SGIP1: variants seen among roughly 807,000 people sequenced by gnomAD.
The protein encoded by SGIP1 is SH3GL interacting endocytic adaptor 1, also known as SH3-containing GRB2-like protein 3-interacting protein 1.
SGIP1 carries 38 observed loss-of-function variants against 107.5 expected under a neutral mutation model. The observed-to-expected ratio is 0.35, with a 90% CI of 0.27 to 0.46. SGIP1 has a LOEUF of 0.46. SGIP1 is among the 20% of genes least tolerant of loss of function. SGIP1 has a pLI of 1.00. For synonymous variants in SGIP1, 365 were observed against 366.1 expected (o/e 1.00, Z 0.03); for missense variants, 929 against 1,019.5 (o/e 0.91, Z 1.21).
At chr1:66,676,658 T>C (rs2085419289) in intron 12 of SGIP1, among the ~76,000 whole-genome samples, 1 of 152,204 alleles carries the variant, frequency 6.6e-6, no homozygotes, top group African/African-American at 2.4e-5. Flanking sequence ...ATGGGGTTAA[T>C]GTCTGGATTT....
chr1:66,671,714 C>T lies in SGIP1; in HGVS notation c.509-230C>T, dbSNP rs1027174673. Among the ~76,000 whole-genome samples, 37 of 152,262 alleles carry T rather than the reference C, an allele frequency of 2.4e-4. 1 individual carries two copies. The highest frequency in any genetic ancestry group is 2.4e-5 in the African/African-American group (1 of 41,558). The stretch of plus-strand genomic sequence containing the variant: ...AAATCTTCTATTTGATGGCTTGTCA[C>T]GGAAGTTCCTTAGTTAATGAGGTTT... On this transcript the variant is annotated intron_variant, in intron 10 of 24. Coordinates refer to ENST00000371037, the MANE Select transcript of SGIP1 (RefSeq NM_032291.4).
chr1:66,710,808 A>G (rs993912680), intron 18 of SGIP1, among the ~76,000 whole-genome samples: 2 of 152,298 alleles, frequency 1.3e-5, no homozygotes, highest in Admixed American at 6.5e-5. Context: ...TTAGAATTTA[A>G]CAGAAATTAA....
At chr1:66,575,836 T>A (rs999502269) in intron 1 of SGIP1, among the ~76,000 whole-genome samples, 3 of 152,192 alleles carry the variant, frequency 2.0e-5, no homozygotes, top group African/African-American at 7.2e-5. Context: ...AGAAACCACC[T>A]GTCATTTGAG....
chr1:66,544,742 AC>A (rs2055941178), intron 1 of SGIP1, among the ~76,000 whole-genome samples: 1 of 152,110 alleles, frequency 6.6e-6, no homozygotes, highest in Admixed American at 6.6e-5. Flanking sequence ...CTACCTGTGC[AC>A]CCACCTTTAC....
chr1:66,721,431 T>G (rs2093526271), intron 19 of SGIP1, among the ~76,000 whole-genome samples: 1 of 152,114 alleles, frequency 6.6e-6, no homozygotes, highest in Non-Finnish European at 1.5e-5. Context: ...TTTTTTGAGA[T>G]GGGGTCTCAC....
intron 13 of SGIP1, among the ~76,000 whole-genome samples, chr1:66,677,368 G>T (rs2085625631): frequency 6.6e-6 from 1 of 152,162 alleles, no homozygotes; most frequent in Non-Finnish European, 1.5e-5. Context: ...TTTATTCATT[G>T]TACGTAAGTA....
intron 1 of SGIP1, among the ~76,000 whole-genome samples, chr1:66,570,059 T>C (rs1200031695): frequency 1.3e-5 from 2 of 151,876 alleles, no homozygotes; most frequent in Non-Finnish European, 2.9e-5. Context: ...ATAGAATCTG[T>C]AGTAATGTCC....
intron 19 of SGIP1, among the ~76,000 whole-genome samples, chr1:66,725,047 G>A (rs1001963199): frequency 3.9e-5 from 6 of 152,162 alleles, no homozygotes; most frequent in Non-Finnish European, 7.3e-5. Flanking sequence ...TACAAACAGG[G>A]TTAATGGATC....
chr1:66,587,762 C>T (rs1331027096), intron 1 of SGIP1, among the ~76,000 whole-genome samples: 1 of 152,058 alleles, frequency 6.6e-6, no homozygotes, highest in East Asian at 1.9e-4. Flanking sequence ...TTGCCTCTAC[C>T]TTAAATAAGC....
intron 9 of SGIP1, among the ~76,000 whole-genome samples, chr1:66,668,296 T>C (rs540829365): frequency 7.2e-4 from 109 of 152,252 alleles, no homozygotes; most frequent in African/African-American, 1.9e-3. Context: ...GTTCAAGCAA[T>C]TCTCCTGCCT....
chr1:66,697,553 G>A (rs535677401), intron 18 of SGIP1, among the ~76,000 whole-genome samples: 35 of 152,186 alleles, frequency 2.3e-4, no homozygotes, highest in South Asian at 1.9e-3. Context: ...TGTTTCTCTC[G>A]CTAAAAAATG....
intron 1 of SGIP1, chr1:66,615,944 G>T (rs2069190034): frequency 6.6e-6 from 1 of 152,168 alleles, no homozygotes; most frequent in South Asian, 2.1e-4. Flanking sequence ...AATAGGCTAG[G>T]CAGGAAACTC....
At chr1:66,719,685 G>A (rs1430975506) in intron 19 of SGIP1, among the ~76,000 whole-genome samples, 1 of 152,046 alleles carries the variant, frequency 6.6e-6, no homozygotes, top group African/African-American at 2.4e-5. Flanking sequence ...TTCCGCTTTG[G>A]TTGCAAGTAA....
intron 19 of SGIP1, among the ~76,000 whole-genome samples, chr1:66,722,399 G>A (rs894263488): frequency 7.9e-5 from 12 of 151,952 alleles, no homozygotes; most frequent in Non-Finnish European, 1.3e-4. Context: ...TTATGTTGTT[G>A]TTGTCCATTA....
At chr1:66,634,138 G>C (rs1419173291) in intron 3 of SGIP1, 3 of 1,610,180 alleles carry the variant, frequency 1.9e-6, no homozygotes, top group Admixed American at 1.7e-5. Flanking sequence ...TTCTGGCTCA[G>C]AGCCCTCTCG....
intron 1 of SGIP1, among the ~76,000 whole-genome samples, chr1:66,586,768 G>A (rs6689333): frequency 0.19 from 28,534 of 151,942 alleles, 3,158 homozygotes; most frequent in African/African-American, 0.31. Context: ...TTTGTTTACT[G>A]TGCTATTTTC....
rs1354907628 is a variant in SGIP1, at chr1:66,750,659, C to T, written c.*7564C>T. On this transcript the variant is annotated 3_prime_UTR_variant, in exon 25 of 25. Transcript: ENST00000371037. ...GTTGATTCCCAGCCTTTTTCCTACACGTCTATTTCAAAAGAGTATACTTTT... is the reference window on the plus strand; with the variant it reads ...GTTGATTCCCAGCCTTTTTCCTACATGTCTATTTCAAAAGAGTATACTTTT... Among the ~76,000 whole-genome samples, 6 of 152,324 alleles carry T rather than the reference C, an allele frequency of 3.9e-5. No homozygotes were observed. The highest frequency in any genetic ancestry group is 1.4e-4 in the African/African-American group (6 of 41,578).
intron 20 of SGIP1, 54 bp downstream of exon 20, chr1:66,729,473 T>C (rs1354942443): frequency 6.2e-7 from 1 of 1,602,768 alleles, no homozygotes; most frequent in East Asian, 2.2e-5. Context: ...TAGTACTTTG[T>C]ACTTAGATGA....
At chr1:66,558,566 C>T (rs940629465) in intron 1 of SGIP1, among the ~76,000 whole-genome samples, 1 of 151,928 alleles carries the variant, frequency 6.6e-6, no homozygotes, top group South Asian at 2.1e-4. Flanking sequence ...TAATAGCTAA[C>T]ATTAATTGAG....
Sources: gnomAD v4.1 joint callset for allele counts (sites outside exome capture counted in the v4.1 genomes callset) on GRCh38, gnomAD v4.1.1 for gene constraint, MANE v1.5 for transcripts, NCBI Gene and HGNC (gene_info 2026-07-23, HGNC 2026-07-21) for gene names.